Variants in FBXL17 observed in about 807,000 individuals in gnomAD.
The protein encoded by FBXL17 is F-box/LRR-repeat protein 17.
FBXL17 carries 22 observed loss-of-function variants against 66.2 expected under a neutral mutation model. The observed-to-expected ratio is 0.33, with a 90% CI of 0.24 to 0.47. The LOEUF (loss-of-function observed/expected upper bound fraction) is 0.47. Among genes scored for constraint, FBXL17 ranks in the 20% least tolerant of loss-of-function variants. FBXL17 has a pLI of 1.00. For synonymous variants in FBXL17, 474 were observed against 400.5 expected, an observed-to-expected ratio of 1.18 and a Z score of -2.19; for missense variants, 878 against 948.2, an observed-to-expected ratio of 0.93 and a Z score of 0.97.
chr5:108,011,994 T>C (rs1289516920), intron 7 of FBXL17, among the ~76,000 whole-genome samples: 1 of 152,218 alleles, frequency 6.6e-6, no homozygotes, highest in Non-Finnish European at 1.5e-5. Flanking sequence ...AAAGCTACTA[T>C]GAAAGTATCT....
chr5:107,985,825 T>C (rs1283756366), intron 7 of FBXL17, among the ~76,000 whole-genome samples: 2 of 152,204 alleles, frequency 1.3e-5, no homozygotes, highest in African/African-American at 4.8e-5. Context: ...TAATCTCTTT[T>C]GGTTTTGCTT....
chr5:107,949,642 C>G (rs1751434382), intron 7 of FBXL17, among the ~76,000 whole-genome samples: 1 of 152,150 alleles, frequency 6.6e-6, no homozygotes, highest in African/African-American at 2.4e-5. Context: ...AATGATCACC[C>G]TTTTAGAACC....
At chr5:108,343,677 G>A (rs891248728) in intron 4 of FBXL17, among the ~76,000 whole-genome samples, 4 of 152,016 alleles carry the variant, frequency 2.6e-5, no homozygotes, top group African/African-American at 9.7e-5. Context: ...TGACACAAAT[G>A]TTTATCTTAT....
At chr5:107,914,326 A>G (rs986802822) in intron 7 of FBXL17, among the ~76,000 whole-genome samples, 1 of 152,188 alleles carries the variant, frequency 6.6e-6, no homozygotes, top group Non-Finnish European at 1.5e-5. Flanking sequence ...CTACCTGGAA[A>G]TACCCAAATT....
At chr5:108,105,702 C>A (rs1749769068) in intron 6 of FBXL17, among the ~76,000 whole-genome samples, 1 of 152,260 alleles carries the variant, frequency 6.6e-6, no homozygotes, top group Non-Finnish European at 1.5e-5. Context: ...ATGGAACAGA[C>A]CAGAAGACAA....
At chr5:108,233,690 G>A (rs897748322) in intron 4 of FBXL17, among the ~76,000 whole-genome samples, 2 of 152,170 alleles carry the variant, frequency 1.3e-5, no homozygotes, top group African/African-American at 4.8e-5. Flanking sequence ...TGAAATGGAT[G>A]TAGGCACGTT....
chr5:107,915,767 C>T (rs62361080), intron 7 of FBXL17, among the ~76,000 whole-genome samples: 1 of 152,090 alleles, frequency 6.6e-6, no homozygotes, highest in Non-Finnish European at 1.5e-5. Context: ...CTGCTAGAAC[C>T]AAATACCTTA....
chr5:107,949,813 T>C (rs960019461), intron 7 of FBXL17, among the ~76,000 whole-genome samples: 1 of 152,156 alleles, frequency 6.6e-6, no homozygotes, highest in Middle Eastern at 3.2e-3. Context: ...ATGAGGAAAT[T>C]GATAGGTTAA....
intron 4 of FBXL17, chr5:108,299,935 T>C: frequency 2.0e-6 from 1 of 508,008 alleles, no homozygotes; most frequent in Non-Finnish European, 2.5e-6. Flanking sequence ...CAAATCTAGA[T>C]CCTACATTTA....
At chr5:108,363,919 T>C (rs1249381314) in intron 3 of FBXL17, among the ~76,000 whole-genome samples, 1 of 152,032 alleles carries the variant, frequency 6.6e-6, no homozygotes, top group Non-Finnish European at 1.5e-5. Context: ...TTTAAGAACT[T>C]CATGAAATGC....
At chr5:108,324,226 C>T (rs1287474387) in intron 4 of FBXL17, among the ~76,000 whole-genome samples, 4 of 151,804 alleles carry the variant, frequency 2.6e-5, no homozygotes, top group Admixed American at 2.0e-4. Flanking sequence ...AGAACTCCTA[C>T]AACTCAACAA....
At chr5:108,237,021 T>TA (rs574597350) in intron 4 of FBXL17, among the ~76,000 whole-genome samples, 24 of 152,148 alleles carry the variant, frequency 1.6e-4, no homozygotes, top group Non-Finnish European at 2.2e-4. Context: ...TAGTAGGTGG[T>TA]AAAAAAAGAC....
At chr5:108,323,382 G>A (rs1759706925) in intron 4 of FBXL17, among the ~76,000 whole-genome samples, 1 of 151,610 alleles carries the variant, frequency 6.6e-6, no homozygotes, top group South Asian at 2.1e-4. Flanking sequence ...AAATTCTTAG[G>A]AATAAACTTA....
intron 7 of FBXL17, among the ~76,000 whole-genome samples, chr5:107,952,889 G>T (rs983856170): frequency 6.6e-6 from 1 of 151,990 alleles, no homozygotes; most frequent in Admixed American, 6.6e-5. Flanking sequence ...AATAACTAGG[G>T]GGAAATCTAT....
At chr5:108,224,528 T>TACACACACACAC (rs138044828) in intron 4 of FBXL17, among the ~76,000 whole-genome samples, 1 of 147,258 alleles carries the variant, frequency 6.8e-6, no homozygotes, top group African/African-American at 2.5e-5. Flanking sequence ...TGTATATGTA[T>TACACACACACAC]ACACACACAC....
intron 5 of FBXL17, among the ~76,000 whole-genome samples, chr5:108,212,402 A>G (rs535666913): frequency 6.6e-6 from 1 of 152,108 alleles, no homozygotes; most frequent in East Asian, 1.9e-4. Context: ...CCTTTGGAGG[A>G]GAAGAGGCTT....
chr5:108,122,437 A>G (rs1217001759), intron 6 of FBXL17, among the ~76,000 whole-genome samples: 1 of 152,344 alleles, frequency 6.6e-6, no homozygotes, highest in East Asian at 1.9e-4. Context: ...AATTAAGTAT[A>G]TTGTTACAAA....
chr5:107,889,735 A>G (rs1367243223), intron 7 of FBXL17, among the ~76,000 whole-genome samples: 2 of 152,228 alleles, frequency 1.3e-5, no homozygotes, highest in African/African-American at 4.8e-5. Flanking sequence ...GTTCAAGTGA[A>G]GAATTTTTTA....
intron 6 of FBXL17, among the ~76,000 whole-genome samples, chr5:108,124,766 A>C (rs185413394): frequency 3.4e-4 from 52 of 152,216 alleles, no homozygotes; most frequent in African/African-American, 1.2e-3. Flanking sequence ...GCCAATTTAT[A>C]GGCATATAAA....
Sources: allele counts gnomAD v4.1 joint callset (sites outside exome capture counted in the v4.1 genomes callset), GRCh38; gene constraint gnomAD v4.1.1; transcripts MANE v1.5; gene names NCBI Gene and HGNC (gene_info 2026-07-23, HGNC 2026-07-21).